Variants in TRIM67 observed in about 807,000 individuals in gnomAD.
TRIM67 encodes the protein tripartite motif containing 67.
TRIM67 carries 39 observed loss-of-function variants against 71.0 expected under a neutral mutation model. The ratio of observed to expected loss-of-function variants is 0.55; its 90% CI spans 0.43 to 0.72. The LOEUF (loss-of-function observed/expected upper bound fraction) is 0.72. Ranked by LOEUF, TRIM67 falls within the 30% of genes least tolerant of loss-of-function variation. The probability of loss-of-function intolerance (pLI) is 0.00; values close to 1 mark genes in which losing one functional copy is unlikely to be tolerated. For missense variants in TRIM67, 973 were observed against 1,079.2 expected (o/e 0.90, Z 1.38); for synonymous variants, 481 against 473.9 (o/e 1.01, Z -0.19).
Position 231,221,053 on chromosome 1 carries a change from A to G in TRIM67, c.*5613A>G, listed in dbSNP as rs60286528. ...GCCCCAGGCTTTCTCGGCACCCAGA[A>G]GAAGTGGGGAGCGGGCAAAGCAGAA... On this transcript the variant is annotated 3_prime_UTR_variant, in exon 10 of 10. Coordinates refer to ENST00000366653, the MANE Select transcript of TRIM67 (RefSeq NM_001004342.5). The G allele has an allele frequency of 0.098, 14,187 of 144,552 alleles. 1,610 individuals are homozygous for G. The highest frequency in any genetic ancestry group is 0.27 in the African/African-American group (11,267 of 41,046). 9.0% of individuals were successfully genotyped at this position (144,552 alleles called of 1,614,324 possible).
At chr1:231,200,053 C>A in intron 3 of TRIM67, 95 bp from the exon 4 acceptor site, 2 of 930,380 alleles carry the variant, frequency 2.1e-6, no homozygotes, top group Non-Finnish European at 3.5e-6. Flanking sequence ...GCCGCCTCTT[C>A]CAGGCTGTAT....
chr1:231,163,685 A>G lies in TRIM67; in HGVS notation c.716A>G (p.His239Arg). The change falls in exon 1 of 10, where the codon CAT becomes CGT. Residue 239 changes from histidine (H) to arginine (R), a missense_variant. Coordinates refer to ENST00000366653, the MANE Select transcript of TRIM67 (RefSeq NM_001004342.5). ...TGCTCTGCCTGCCAGCTCAAGTGCC[A>G]TCCATCCCGGGGACCCTTCGCCAAG... The part of the protein sequence containing the change: ...LYCSACQLKC[H>R]PSRGPFAKHR... 1 of 1,513,076 alleles carries G rather than the reference A, an allele frequency of 6.6e-7. No homozygotes were observed. Among genetic ancestry groups the G allele is most frequent in the Non-Finnish European group, 8.8e-7 (1 of 1,132,194 alleles). 93.7% of individuals were successfully genotyped at this position (1,513,076 alleles called of 1,614,324 possible). A position where few individuals can be genotyped will look rare whatever the true frequency, so the allele number is the denominator to read the frequency against.
intron 6 of TRIM67, 133 bp from the exon 7 acceptor site, chr1:231,206,519 C>G: frequency 1.2e-6 from 1 of 856,282 alleles, no homozygotes; most frequent in Non-Finnish European, 1.7e-6. Flanking sequence ...ATGCTCCCAC[C>G]TCAGCTTCCT....
At chr1:231,197,253 G>C (rs574433934) in intron 1 of TRIM67, 118 bp from the exon 2 acceptor site, 1 of 719,480 alleles carries the variant, frequency 1.4e-6, no homozygotes, top group East Asian at 2.7e-5. Context: ...AATGAGAACA[G>C]CAGATGCGTG....
chr1:231,197,844 AAGAAGAAGG>A (rs1057456871), intron 2 of TRIM67, among the ~76,000 whole-genome samples: 3 of 151,296 alleles, frequency 2.0e-5, no homozygotes, highest in Admixed American at 6.6e-5. Flanking sequence ...GAAGAAGAAG[AAGAAGAAGG>A]AGAAGGAGAA....
chr1:231,163,985 C>T lies in TRIM67; in HGVS notation c.1016C>T (p.Pro339Leu), dbSNP rs1311342154. The T allele has an allele frequency of 1.8e-5, 29 of 1,576,360 alleles. No homozygotes were observed. The highest frequency in any genetic ancestry group is 2.2e-5 in the Non-Finnish European group (25 of 1,160,728). Reference protein sequence around the residue: ...EGRHAKHEVKPLGAMWKQHKA... With the variant: ...EGRHAKHEVKLLGAMWKQHKA... The stretch of plus-strand genomic sequence containing the variant: ...CGGCACGCCAAGCACGAGGTGAAGC[C>T]GCTGGGGGCCATGTGGAAGCAGCAC... Residue 339 changes from proline (P) to leucine (L), a missense_variant, in exon 1 of 10, where the codon CCG (proline) becomes CTG (leucine). Physicochemically the swap from Pro to Leu is moderately conservative, Grantham distance 98. This residue lies in a region of TRIM67 where 795 missense variants were observed against 831.3 expected (regional missense o/e 0.96). Coordinates refer to ENST00000366653, the MANE Select transcript of TRIM67 (RefSeq NM_001004342.5).
At chr1:231,173,368 G>A (rs1682662552) in intron 1 of TRIM67, among the ~76,000 whole-genome samples, 1 of 152,150 alleles carries the variant, frequency 6.6e-6, no homozygotes, top group African/African-American at 2.4e-5. Flanking sequence ...GTAACATAAC[G>A]AGACCTTGTC....
intron 1 of TRIM67, among the ~76,000 whole-genome samples, chr1:231,167,328 T>TC (rs1286727079): frequency 3.2e-5 from 2 of 61,960 alleles, no homozygotes; most frequent in Non-Finnish European, 6.2e-5. Context: ...TCTTTTTTTT[T>TC]TTTTTTTTTT....
chr1:231,178,452 A>G (rs903446563), intron 1 of TRIM67, among the ~76,000 whole-genome samples: 1 of 152,214 alleles, frequency 6.6e-6, no homozygotes, highest in Non-Finnish European at 1.5e-5. Flanking sequence ...GAAAGCCACT[A>G]TTATCATCAC....
At chr1:231,173,954 G>A (rs991685616) in intron 1 of TRIM67, among the ~76,000 whole-genome samples, 1 of 151,946 alleles carries the variant, frequency 6.6e-6, no homozygotes, top group African/African-American at 2.4e-5. Context: ...TGAGCTTCTT[G>A]GACTTTTGGT....
intron 8 of TRIM67, among the ~76,000 whole-genome samples, 162 bp from the exon 9 acceptor site, chr1:231,213,653 C>A (rs557478995): frequency 6.6e-6 from 1 of 152,106 alleles, no homozygotes; most frequent in Non-Finnish European, 1.5e-5. Flanking sequence ...ATCTCCTGAG[C>A]CTGGGAGGGC....
At chr1:231,168,814 G>A (rs1348480455) in intron 1 of TRIM67, among the ~76,000 whole-genome samples, 1 of 152,158 alleles carries the variant, frequency 6.6e-6, no homozygotes, top group African/African-American at 2.4e-5. Context: ...AGGCCTTGGG[G>A]GCCCACCTAA....
chr1:231,194,170 G>A (rs1486598614), intron 1 of TRIM67, among the ~76,000 whole-genome samples: 1 of 152,216 alleles, frequency 6.6e-6, no homozygotes, highest in African/African-American at 2.4e-5. Flanking sequence ...CAAGAGAGGA[G>A]GGGCCAGCCA....
At position 231,163,968 on chromosome 1, in the gene TRIM67, C is replaced by A; in HGVS notation, c.999C>A (p.Ala333=). Residue 333 remains alanine, a synonymous_variant, in exon 1 of 10, where the codon GCC becomes GCA. Transcript: ENST00000366653. The stretch of plus-strand genomic sequence containing the variant: ...TGTGCCTGGAGGAGGGCCGGCACGC[C>A]AAGCACGAGGTGAAGCCGCTGGGGG... The part of the protein sequence containing the change: ...CYLCLEEGRH[A]KHEVKPLGAM... 6.3e-7 allele frequency: 1 copy of A among 1,582,252 alleles called. No homozygotes were observed. The highest frequency in any genetic ancestry group is 1.2e-5 in the South Asian group (1 of 85,794).
At chr1:231,205,237 A>G (rs1683663025) in intron 6 of TRIM67, among the ~76,000 whole-genome samples, 2 of 152,340 alleles carry the variant, frequency 1.3e-5, no homozygotes, top group African/African-American at 2.4e-5. Context: ...TACAGTAGGA[A>G]AAGTGTGGAT....
Position 231,217,115 on chromosome 1 carries a change from C to A in TRIM67, c.*1675C>A. The A allele has an allele frequency of 1.0e-6, 1 of 985,966 alleles. No individual in the cohort carries two copies. Among genetic ancestry groups the A allele is most frequent in the Non-Finnish European group, 1.2e-6 (1 of 830,020 alleles). The allele number at this position is 985,966 out of a possible 1,614,324, so 61.1% of individuals were successfully genotyped here. ...TGCCGGAGCCATGCAGGTACCCCCC[C>A]TCCACTCAGCAGGCCCGACAATCCT... On this transcript the variant is annotated 3_prime_UTR_variant, in exon 10 of 10. Transcript: ENST00000366653.
Position 231,199,032 on chromosome 1 carries a change from C to T in TRIM67, c.1141-15C>T, listed in dbSNP as rs150481992. On this transcript the variant is annotated splice_polypyrimidine_tract_variant and intron_variant, in intron 2 of 9. Coordinates refer to ENST00000366653, the MANE Select transcript of TRIM67 (RefSeq NM_001004342.5). ...ACTCTTTGCTTCTTCCCAACCAACC[C>T]CCAACCTCTGCCAGGAAAACGGACT... 4.4e-3 allele frequency: 7,104 copies of T among 1,613,828 alleles called. 23 individuals are homozygous for T. The highest frequency in any genetic ancestry group is 5.4e-3 in the Middle Eastern group (33 of 6,060).
intron 1 of TRIM67, among the ~76,000 whole-genome samples, chr1:231,167,764 G>C (rs187585096): frequency 1.3e-5 from 2 of 151,922 alleles, no homozygotes; most frequent in Admixed American, 6.6e-5. Flanking sequence ...CAACTCTCAC[G>C]TCTTAAGGCT....
chr1:231,194,913 G>A (rs75156201), intron 1 of TRIM67, among the ~76,000 whole-genome samples: 6,008 of 152,124 alleles, frequency 0.039, 146 homozygotes, highest in Non-Finnish European at 0.055. Flanking sequence ...CGGGGAGTGC[G>A]GCAGGGAGGT....
Sources: gnomAD v4.1 joint callset for allele counts (sites outside exome capture counted in the v4.1 genomes callset) on GRCh38, gnomAD v4.1.1 for gene constraint, gnomAD v4.1.1 regional missense constraint, MANE v1.5 for transcripts, NCBI Gene and HGNC (gene_info 2026-07-23, HGNC 2026-07-21) for gene names.